REV3L: variants seen among roughly 807,000 people sequenced by gnomAD.
The protein encoded by REV3L is REV3 like, DNA directed polymerase zeta catalytic subunit.
Under a neutral mutation model 299.4 loss-of-function variants are expected in REV3L, and 69 were observed. The observed-to-expected ratio is 0.23, with a 90% confidence interval of 0.19 to 0.28. The LOEUF (loss-of-function observed/expected upper bound fraction) is 0.28, where lower values mean the gene tolerates loss of function less well. Ranked by LOEUF, REV3L falls within the 10% of genes least tolerant of loss-of-function variation. The pLI, the probability that REV3L is intolerant of heterozygous loss-of-function variation, is 1.00. For missense variants in REV3L, 3,128 were observed against 3,693.8 expected, an observed-to-expected ratio of 0.85 and a Z score of 3.97; for synonymous variants, 1,238 against 1,271.4, an observed-to-expected ratio of 0.97 and a Z score of 0.56.
At chr6:111,306,524 G>GT (rs1310534907) in intron 31 of REV3L, among the ~76,000 whole-genome samples, 1 of 152,114 alleles carries the variant, frequency 6.6e-6, no homozygotes, top group Non-Finnish European at 1.5e-5. Flanking sequence ...ACTTTGAGAT[G>GT]TTTGTTGTTT....
chr6:111,405,457 A>G lies in REV3L; in HGVS notation c.565+13T>C. 1 of 1,584,408 alleles carries G rather than the reference A, an allele frequency of 6.3e-7. No homozygotes were observed. Among genetic ancestry groups the G allele is most frequent in the South Asian group, 1.2e-5 (1 of 83,302 alleles). On this transcript the variant is annotated intron_variant, in intron 4 of 31. Coordinates refer to ENST00000368802, the MANE Select transcript of REV3L (RefSeq NM_001372078.1). ...TTTGACAAAAATTTAATTTGACTGAAAATTAACCTTACTTTTCCTTCTTGC... is the reference window on the plus strand; with the variant it reads ...TTTGACAAAAATTTAATTTGACTGAGAATTAACCTTACTTTTCCTTCTTGC...
At chr6:111,445,712 CT>C (rs1788760709) in intron 1 of REV3L, among the ~76,000 whole-genome samples, 1 of 152,022 alleles carries the variant, frequency 6.6e-6, no homozygotes, top group Non-Finnish European at 1.5e-5. Flanking sequence ...GGGAGCCCCC[CT>C]AAAAAGGGAA....
chr6:111,320,636 T>G (rs1221288634), intron 26 of REV3L, among the ~76,000 whole-genome samples: 3 of 152,090 alleles, frequency 2.0e-5, no homozygotes, highest in African/African-American at 7.2e-5. Flanking sequence ...CTCATACAGA[T>G]GTCACTAAAC....
intron 1 of REV3L, among the ~76,000 whole-genome samples, chr6:111,450,508 C>CAAAAAAAAAAAAAAAAAAAAA (rs1789400781): frequency 2.1e-5 from 2 of 94,282 alleles, no homozygotes. Context: ...AAAAAAAAAC[C>CAAAAAAAAAAAAAAAAAAAAA]AAAAAACATT....
intron 2 of REV3L, among the ~76,000 whole-genome samples, chr6:111,412,433 A>C (rs1784343040): frequency 6.6e-6 from 1 of 152,108 alleles, no homozygotes. Context: ...ACAGAACACT[A>C]TTTTCAAGGA....
Position 111,474,288 on chromosome 6 carries a change from A to G in REV3L, c.139+8462T>C, listed in dbSNP as rs552132052. ...ACGCACGTGGTGAGCAGCATCCAAT[A>G]CAGGTGAATACAGATAGTCAGGCCT... On this transcript the variant is annotated intron_variant, in intron 1 of 31. Coordinates refer to ENST00000368802, the MANE Select transcript of REV3L (RefSeq NM_001372078.1). 4.6e-5 allele frequency among the ~76,000 whole-genome samples: 7 copies of G among 152,376 alleles called. No individual in the cohort carries two copies. In the South Asian group the frequency reaches 1.0e-3, roughly 23 times the overall value.
chr6:111,433,332 CAAAT>C (rs1423458964), intron 1 of REV3L, among the ~76,000 whole-genome samples: 2 of 151,472 alleles, frequency 1.3e-5, no homozygotes, highest in African/African-American at 4.9e-5. Flanking sequence ...AAGATCCAAA[CAAAT>C]AAAACCAGAA....
intron 1 of REV3L, among the ~76,000 whole-genome samples, chr6:111,433,691 A>G (rs1787206434): frequency 6.6e-6 from 1 of 152,216 alleles, no homozygotes; most frequent in African/African-American, 2.4e-5. Flanking sequence ...AATACTTTCA[A>G]ACTCATTCTA....
At chr6:111,441,057 TATG>T (rs1325938438) in intron 1 of REV3L, among the ~76,000 whole-genome samples, 2 of 152,222 alleles carry the variant, frequency 1.3e-5, no homozygotes, top group African/African-American at 4.8e-5. Context: ...GCAGTTTGAA[TATG>T]ATATGTGTAG....
chr6:111,315,299 T>TCAC lies in REV3L; in HGVS notation c.8433_8434insGTG (p.Thr2811_Asn2812insVal). Reference sequence around the variant, plus strand: ...AACTTCAATTTCACTGGTTTAGGATTGGTAGCAGTTACAGCTTCGGCAATT... The same window carrying TCAC: ...AACTTCAATTTCACTGGTTTAGGATTCACGGTAGCAGTTACAGCTTCGGCAATT... On this transcript the variant is annotated inframe_insertion, in exon 27 of 32. Transcript: ENST00000368802. 1 of 1,614,118 alleles carries TCAC rather than the reference T, an allele frequency of 6.2e-7. No homozygotes were observed. The highest frequency in any genetic ancestry group is 8.5e-7 in the Non-Finnish European group (1 of 1,180,006).
chr6:111,449,177 G>T (rs1280377182), intron 1 of REV3L, among the ~76,000 whole-genome samples: 1 of 152,112 alleles, frequency 6.6e-6, no homozygotes, highest in Non-Finnish European at 1.5e-5. Flanking sequence ...GTAAATCAAT[G>T]GTCTTTACAC....
intron 27 of REV3L, among the ~76,000 whole-genome samples, chr6:111,313,771 G>C (rs1376212987): frequency 3.3e-5 from 5 of 152,118 alleles, no homozygotes; most frequent in Non-Finnish European, 1.5e-5. Context: ...TCTACAGTCT[G>C]GTCTCAACTT....
chr6:111,434,746 C>T (rs1787353591), intron 1 of REV3L, among the ~76,000 whole-genome samples: 1 of 151,546 alleles, frequency 6.6e-6, no homozygotes, highest in African/African-American at 2.4e-5. Flanking sequence ...AGCAACCCCA[C>T]TTACAATAAC....
At chr6:111,393,662 A>G (rs1782173809) in intron 4 of REV3L, among the ~76,000 whole-genome samples, 1 of 152,058 alleles carries the variant, frequency 6.6e-6, no homozygotes, top group Non-Finnish European at 1.5e-5. Context: ...AACCCTTCCC[A>G]TACACCCTTC....
intron 30 of REV3L, chr6:111,307,995 CTTG>C (rs1772525105): frequency 6.7e-6 from 2 of 299,584 alleles, no homozygotes; most frequent in Middle Eastern, 1.2e-3. Context: ...TCCAAGTGTT[CTTG>C]TTGTTCAATT....
At chr6:111,451,803 G>A (rs1033008841) in intron 1 of REV3L, among the ~76,000 whole-genome samples, 12 of 150,972 alleles carry the variant, frequency 7.9e-5, no homozygotes, top group Admixed American at 5.3e-4. Context: ...TTTTAGGTTA[G>A]GCAAAGATTT....
Position 111,311,099 on chromosome 6 carries a change from C to G in REV3L, c.8765G>C (p.Gly2922Ala), listed in dbSNP as rs1772923651. ...EYRGSFSYKPGACVPALELTR... is the reference protein window; with the variant it reads ...EYRGSFSYKPAACVPALELTR... ...AAGTTCAAGGGCTGGCACACAAGCT[C>G]CTGGTTTATAAGAAAAACTTCCTCT... Residue 2922 changes from glycine (G) to alanine (A), a missense_variant, in exon 29 of 32, where the codon GGA becomes GCA. Gly to Ala is a moderately conservative substitution (Grantham distance 60). This residue lies in a region of REV3L where 294 missense variants were observed against 377.0 expected (regional missense o/e 0.78). Coordinates refer to ENST00000368802, the MANE Select transcript of REV3L (RefSeq NM_001372078.1). 1 of 1,613,562 alleles carries G rather than the reference C, an allele frequency of 6.2e-7. No homozygotes were observed. Among genetic ancestry groups the G allele is most frequent in the Non-Finnish European group, 8.5e-7 (1 of 1,179,844 alleles).
chr6:111,392,687 T>C (rs1185744800), intron 5 of REV3L, 189 bp downstream of exon 5: 1 of 459,804 alleles, frequency 2.2e-6, no homozygotes, highest in African/African-American at 1.9e-5. Flanking sequence ...ACTAGTACAT[T>C]TTCATGGTTT....
chr6:111,360,346 GGAAA>G (rs1778517835), intron 16 of REV3L, among the ~76,000 whole-genome samples: 1 of 152,184 alleles, frequency 6.6e-6, no homozygotes, highest in African/African-American at 2.4e-5. Flanking sequence ...TTGCTTTGGG[GGAAA>G]GAAATTGCTA....
Sources: gnomAD v4.1 joint callset for allele counts (sites outside exome capture counted in the v4.1 genomes callset) on GRCh38, gnomAD v4.1.1 for gene constraint, gnomAD v4.1.1 regional missense constraint, MANE v1.5 for transcripts, NCBI Gene and HGNC (gene_info 2026-07-23, HGNC 2026-07-21) for gene names.